CDC123: variants seen among roughly 807,000 people sequenced by gnomAD.
CDC123 encodes the protein translation initiation factor eIF2 assembly protein.
In CDC123, 37 loss-of-function variants were observed where a neutral mutation model predicts 54.4. The ratio of observed to expected loss-of-function variants is 0.68; its 90% CI spans 0.52 to 0.89. CDC123 has a LOEUF of 0.89. Ranked by LOEUF, CDC123 falls within the 40% of genes least tolerant of loss-of-function variation. CDC123 has a pLI of 0.00. For synonymous variants in CDC123, 144 were observed against 136.8 expected, an observed-to-expected ratio of 1.05 and a Z score of -0.37; for missense variants, 361 against 412.1, an observed-to-expected ratio of 0.88 and a Z score of 1.07.
At position 12,250,337 on chromosome 10, in the gene CDC123, A is replaced by G. The variant is rs1428741429; in HGVS notation, c.1011A>G (p.Ter337TrpextTer1). ...KLKRNQQEDD[*>W] ...AGAGAAATCAGCAGGAGGACGACTG[A>G]TGAGCGTACTGGAACTGGAGAAGAG... Residue 337 changes from the stop codon to tryptophan, a stop_lost, in exon 13 of 13, where the codon TGA (stop) becomes TGG (tryptophan). Transcript: ENST00000281141. 2.5e-6 allele frequency: 4 copies of G among 1,603,514 alleles called. No individual in the cohort carries two copies. Among genetic ancestry groups the G allele is most frequent in the Non-Finnish European group, 2.6e-6 (3 of 1,171,610 alleles).
Position 12,208,648 on chromosome 10 carries a change from A to G in CDC123, c.147-1319A>G, listed in dbSNP as rs148807688. ...CCAAGGTTGCAGTGAGCTCACTTGCATTTTTCTGTCAATTGAGGGTGCGGT... is the reference window on the plus strand; with the variant it reads ...CCAAGGTTGCAGTGAGCTCACTTGCGTTTTTCTGTCAATTGAGGGTGCGGT... On this transcript the variant is annotated intron_variant, in intron 2 of 12. Transcript: ENST00000281141. Among the ~76,000 whole-genome samples, 29 of 152,182 alleles carry G rather than the reference A, an allele frequency of 1.9e-4. No individual in the cohort carries two copies. In the East Asian group the frequency reaches 5.6e-3, roughly 29 times the overall value.
chr10:12,198,578 C>T, intron 1 of CDC123, 127 bp from the exon 2 acceptor site: 1 of 655,336 alleles, frequency 1.5e-6, no homozygotes, highest in Non-Finnish European at 2.7e-6. Context: ...ACCAAATGTA[C>T]ATCATTAACA....
At chr10:12,212,202 A>G (rs74468166) in intron 4 of CDC123, among the ~76,000 whole-genome samples, 4,209 of 152,318 alleles carry the variant, frequency 0.028, 92 homozygotes, top group Non-Finnish European at 0.037. Flanking sequence ...TTTAGAATCA[A>G]TGACATGTAA....
chr10:12,227,254 G>A (rs1835835418), intron 6 of CDC123, among the ~76,000 whole-genome samples: 2 of 149,250 alleles, frequency 1.3e-5, no homozygotes, highest in South Asian at 2.2e-4. Context: ...TGGAGAGAGA[G>A]GGAGAGGGAG....
chr10:12,236,551 A>G (rs1473972425), intron 8 of CDC123, among the ~76,000 whole-genome samples: 1 of 150,888 alleles, frequency 6.6e-6, no homozygotes, highest in African/African-American at 2.4e-5. Flanking sequence ...ATAAGCTATG[A>G]TTGTGCCACT....
At chr10:12,206,829 G>A (rs893113240) in intron 2 of CDC123, among the ~76,000 whole-genome samples, 1 of 151,896 alleles carries the variant, frequency 6.6e-6, no homozygotes, top group Non-Finnish European at 1.5e-5. Flanking sequence ...TGTGGTGGCG[G>A]GCGCCTGGAG....
chr10:12,198,660 A>G, intron 1 of CDC123, 45 bp from the exon 2 acceptor site: 1 of 984,534 alleles, frequency 1.0e-6, no homozygotes. Context: ...CTCTGCTTAT[A>G]GTTGGTCTTT....
At chr10:12,222,895 C>CTT (rs61138851) in intron 6 of CDC123, among the ~76,000 whole-genome samples, 7 of 146,118 alleles carry the variant, frequency 4.8e-5, no homozygotes, top group Admixed American at 6.8e-5. Flanking sequence ...CATTTGTCCT[C>CTT]TTTTTTTTTT....
At chr10:12,233,054 T>C (rs1041573432) in intron 7 of CDC123, among the ~76,000 whole-genome samples, 9 of 152,134 alleles carry the variant, frequency 5.9e-5, no homozygotes, top group Non-Finnish European at 1.2e-4. Flanking sequence ...TTAGCCTTTC[T>C]CTGAGGCACA....
At chr10:12,246,055 A>G in intron 10 of CDC123, 94 bp from the exon 11 acceptor site, 1 of 1,359,884 alleles carries the variant, frequency 7.4e-7, no homozygotes, top group South Asian at 1.3e-5. Flanking sequence ...GGGCAACAGC[A>G]TGAGACCCTG....
intron 9 of CDC123, 122 bp downstream of exon 9, chr10:12,237,388 ATATTAT>A: frequency 1.4e-6 from 1 of 712,368 alleles, no homozygotes; most frequent in Non-Finnish European, 2.0e-6. Context: ...GCATTTTACT[ATATTAT>A]TATTTGTTAT....
chr10:12,237,241 A>T lies in CDC123; in HGVS notation c.663A>T (p.Ile221=). 6.3e-7 allele frequency: 1 copy of T among 1,577,016 alleles called. No individual in the cohort carries two copies. Among genetic ancestry groups the T allele is most frequent in the Non-Finnish European group, 8.6e-7 (1 of 1,168,566 alleles). ...TACAAGACTTTTTCAAGAAACACAT[A>T]CAGTACAAATTCTTAGATGAAGACT... is the stretch of plus-strand genomic sequence containing the variant. ...RCIQDFFKKH[I]QYKFLDEDFV... is the part of the protein sequence containing the mutation. Residue 221 remains isoleucine (I), a synonymous_variant, in exon 9 of 13, where the codon ATA becomes ATT. Transcript: ENST00000281141.
At chr10:12,238,823 C>T (rs1214049570) in intron 10 of CDC123, among the ~76,000 whole-genome samples, 3 of 151,966 alleles carry the variant, frequency 2.0e-5, no homozygotes, top group Non-Finnish European at 2.9e-5. Context: ...AGTTCAAGAT[C>T]AGCCTCGGCA....
chr10:12,247,976 C>T (rs1450620250), intron 11 of CDC123: 1 of 151,912 alleles, frequency 6.6e-6, no homozygotes, highest in African/African-American at 2.4e-5. Context: ...TGCACTCCAG[C>T]CTGGGCGACA....
intron 2 of CDC123, among the ~76,000 whole-genome samples, chr10:12,206,712 G>T (rs575869524): frequency 1.3e-4 from 20 of 152,218 alleles, no homozygotes; most frequent in Non-Finnish European, 2.8e-4. Flanking sequence ...TAATCCCAGT[G>T]CTTTAGGAGG....
intron 7 of CDC123, 95 bp from the exon 8 acceptor site, chr10:12,234,953 A>G (rs1222391366): frequency 2.4e-6 from 2 of 838,438 alleles, no homozygotes; most frequent in Non-Finnish European, 3.9e-6. Flanking sequence ...CCATTTGATA[A>G]TGGCAATCAT....
chr10:12,226,707 G>T (rs1229020900), intron 6 of CDC123, among the ~76,000 whole-genome samples: 2 of 151,766 alleles, frequency 1.3e-5, no homozygotes, highest in Non-Finnish European at 1.5e-5. Flanking sequence ...GGGTGGCTGG[G>T]CAGAGACGCT....
chr10:12,223,381 G>A (rs1835762698), intron 6 of CDC123, among the ~76,000 whole-genome samples: 1 of 151,944 alleles, frequency 6.6e-6, no homozygotes, highest in Non-Finnish European at 1.5e-5. Flanking sequence ...TGCCTCCCAG[G>A]TTCAAGCAGT....
rs34192186 is a variant in CDC123, at chr10:12,240,007, CAAA to C, written c.717+1539_717+1541del. ...TGGGCTACAGAGCGAGACTCCGTCT[CAAA>C]AAAAAAAAAAAAAAAATTATTATTA... is the stretch of plus-strand genomic sequence containing the variant. On this transcript the variant is annotated intron_variant, in intron 10 of 12. Transcript: ENST00000281141. 6.1e-4 allele frequency among the ~76,000 whole-genome samples: 62 copies of C among 101,684 alleles called. 1 individual carries two copies. The highest frequency in any genetic ancestry group is 8.7e-4 in the South Asian group (3 of 3,454). The allele number at this position is 101,684 out of a possible 152,430, so 66.7% of individuals were successfully genotyped here.
Sources: allele counts gnomAD v4.1 joint callset (sites outside exome capture counted in the v4.1 genomes callset), GRCh38; gene constraint gnomAD v4.1.1; transcripts MANE v1.5; gene names NCBI Gene and HGNC (gene_info 2026-07-23, HGNC 2026-07-21).